The following ACBD6 variants were observed in gnomAD, a reference collection of about 807,000 sequenced individuals.
The protein encoded by ACBD6 is acyl-CoA-binding domain-containing protein 6.
ACBD6 carries 28 observed loss-of-function variants against 37.2 expected under a neutral mutation model. The observed-to-expected ratio is 0.75, with a 90% CI of 0.56 to 1.03. The LOEUF (loss-of-function observed/expected upper bound fraction) is 1.03. ACBD6 is among the 50% of genes least tolerant of loss of function. The pLI is 0.00. For missense variants in ACBD6, 340 were observed against 337.4 expected, an observed-to-expected ratio of 1.01 and a Z score of -0.06; for synonymous variants, 113 against 126.8, an observed-to-expected ratio of 0.89 and a Z score of 0.73.
chr1:180,312,846 C>T (rs1186539165), intron 7 of ACBD6, among the ~76,000 whole-genome samples: 1 of 152,162 alleles, frequency 6.6e-6, no homozygotes, highest in Non-Finnish European at 1.5e-5. Context: ...AAGTTACTAT[C>T]CCTATTTCAT....
At chr1:180,325,181 T>C (rs1467272413) in intron 6 of ACBD6, among the ~76,000 whole-genome samples, 1 of 152,202 alleles carries the variant, frequency 6.6e-6, no homozygotes, top group East Asian at 1.9e-4. Context: ...TGAATAAACT[T>C]TCTATCCCTG....
chr1:180,296,434 TTTTTC>T (rs987626313), intron 7 of ACBD6, among the ~76,000 whole-genome samples: 1 of 152,116 alleles, frequency 6.6e-6, no homozygotes, highest in African/African-American at 2.4e-5. Context: ...AGATTTTCTT[TTTTTC>T]TTTTCTATTA....
chr1:180,274,071 G>C, exon 11 of ACBD6: 1 of 1,340,586 alleles, frequency 7.5e-7, no homozygotes, highest in Non-Finnish European at 1.1e-6. Context: ...TGGCTGCAAG[G>C]CAGCTGCCAT....
chr1:180,410,041 T>C (rs1647793023), intron 5 of ACBD6, among the ~76,000 whole-genome samples: 2 of 152,354 alleles, frequency 1.3e-5, no homozygotes, highest in South Asian at 4.1e-4. Flanking sequence ...ATTGCTGATA[T>C]GGAAAAAGTG....
At chr1:180,380,866 A>G (rs751947707) in intron 6 of ACBD6, among the ~76,000 whole-genome samples, 1 of 152,218 alleles carries the variant, frequency 6.6e-6, no homozygotes, top group Admixed American at 6.5e-5. Context: ...AAGCTCTCAT[A>G]TATCAATAAT....
intron 3 of ACBD6, among the ~76,000 whole-genome samples, chr1:180,473,584 A>C (rs1557885378): frequency 6.6e-6 from 1 of 152,348 alleles, no homozygotes; most frequent in Non-Finnish European, 1.5e-5. Flanking sequence ...AAATGTTAAG[A>C]ATTTCAAAAA....
chr1:180,433,063 C>G (rs1045400905), intron 3 of ACBD6, among the ~76,000 whole-genome samples: 2 of 152,150 alleles, frequency 1.3e-5, no homozygotes, highest in African/African-American at 4.8e-5. Context: ...TTTATGAGGT[C>G]TTATCCTCAC....
At chr1:180,306,189 G>A (rs965620871) in intron 7 of ACBD6, among the ~76,000 whole-genome samples, 2 of 151,656 alleles carry the variant, frequency 1.3e-5, no homozygotes, top group Non-Finnish European at 2.9e-5. Flanking sequence ...CATGGCACAT[G>A]TATACATATG....
intron 9 of ACBD6, among the ~76,000 whole-genome samples, chr1:180,279,221 C>T (rs1230944611): frequency 6.6e-6 from 1 of 152,180 alleles, no homozygotes; most frequent in African/African-American, 2.4e-5. Flanking sequence ...GGGCACGATC[C>T]TCTGCCCCCA....
chr1:180,373,383 C>T (rs964856562), intron 6 of ACBD6, among the ~76,000 whole-genome samples: 1 of 152,092 alleles, frequency 6.6e-6, no homozygotes, highest in African/African-American at 2.4e-5. Context: ...TAACTTAAAA[C>T]ATTCAATAAT....
intron 6 of ACBD6, among the ~76,000 whole-genome samples, chr1:180,391,813 G>C (rs768368138): frequency 1.3e-5 from 2 of 152,108 alleles, no homozygotes; most frequent in Non-Finnish European, 2.9e-5. Context: ...ATACACCTAA[G>C]AGGAATGAAA....
At chr1:180,352,627 G>A (rs1410549657) in intron 6 of ACBD6, among the ~76,000 whole-genome samples, 21 of 152,200 alleles carry the variant, frequency 1.4e-4, no homozygotes, top group Non-Finnish European at 1.5e-5. Flanking sequence ...GTGAGAGACA[G>A]TAAGGGTAAA....
At chr1:180,301,735 C>G (rs1571334483) in intron 7 of ACBD6, among the ~76,000 whole-genome samples, 1 of 152,202 alleles carries the variant, frequency 6.6e-6, no homozygotes, top group African/African-American at 2.4e-5. Flanking sequence ...TACACAAGAA[C>G]TGCGAGATCA....
intron 6 of ACBD6, among the ~76,000 whole-genome samples, chr1:180,358,556 C>CAAAA (rs10641300): frequency 6.7e-6 from 1 of 149,774 alleles, no homozygotes; most frequent in African/African-American, 2.4e-5. Context: ...ACAGAAACCC[C>CAAAA]AAAAAAAACC....
intron 7 of ACBD6, among the ~76,000 whole-genome samples, chr1:180,293,433 G>T (rs1419517234): frequency 1.3e-5 from 2 of 151,810 alleles, no homozygotes; most frequent in Non-Finnish European, 2.9e-5. Context: ...TCAGCCTCCT[G>T]AGTAGCTGAG....
intron 7 of ACBD6, among the ~76,000 whole-genome samples, chr1:180,309,437 C>T (rs1244417947): frequency 6.6e-6 from 1 of 152,128 alleles, no homozygotes; most frequent in Admixed American, 6.6e-5. Context: ...TCTAAATTCT[C>T]AAGAGCACAT....
intron 5 of ACBD6, among the ~76,000 whole-genome samples, chr1:180,404,650 G>A (rs974172900): frequency 3.9e-4 from 59 of 152,106 alleles, no homozygotes; most frequent in African/African-American, 1.3e-3. Context: ...TAGAGATGGG[G>A]TTTCACTATG....
chr1:180,274,512 T>G, intron 10 of ACBD6: 1 of 1,610,414 alleles, frequency 6.2e-7, no homozygotes, highest in South Asian at 1.1e-5. Flanking sequence ...GGAAGCAGTG[T>G]AGGCTATCCC....
chr1:180,358,815 G>A (rs958064387), intron 6 of ACBD6, among the ~76,000 whole-genome samples: 2 of 152,152 alleles, frequency 1.3e-5, no homozygotes, highest in African/African-American at 4.8e-5. Flanking sequence ...CTGGCACCAG[G>A]CCCATGTCAG....
Sources: gnomAD v4.1 joint callset for allele counts (sites outside exome capture counted in the v4.1 genomes callset) on GRCh38, gnomAD v4.1.1 for gene constraint, MANE v1.5 for transcripts, NCBI Gene and HGNC (gene_info 2026-07-23, HGNC 2026-07-21) for gene names.